Variants in PRDM16 observed in about 807,000 individuals in gnomAD.
PRDM16 encodes histone-lysine N-methyltransferase PRDM16.
A neutral mutation model predicts 110.6 loss-of-function variants in PRDM16; 23 were observed. The ratio of observed to expected loss-of-function variants is 0.21; its 90% confidence interval spans 0.15 to 0.29. The LOEUF (loss-of-function observed/expected upper bound fraction) is 0.29. PRDM16 is among the 10% of genes least tolerant of loss of function. The probability of loss-of-function intolerance (pLI) is 1.00; values close to 1 mark genes in which losing one functional copy is unlikely to be tolerated. For synonymous variants in PRDM16, 799 were observed against 781.8 expected (o/e 1.02, Z -0.37); for missense variants, 1,615 against 1,794.3 (o/e 0.90, Z 1.81).
Position 3,359,850 on chromosome 1 carries a change from G to A in PRDM16, c.439-25302G>A, listed in dbSNP as rs535482538. ...GATGTTTACTTAGAAGGTGGCACCC[G>A]ACAAGGGCTTCCAATGTGTTCCATG... On this transcript the variant is annotated intron_variant, in intron 3 of 16. Coordinates refer to ENST00000270722, the MANE Select transcript of PRDM16 (RefSeq NM_022114.4). The surrounding 1 kb of genome is among the most constrained non-coding windows in gnomAD (Gnocchi z 4.3). Among the ~76,000 whole-genome samples the A allele has an allele frequency of 1.4e-5, 2 of 141,958 alleles. No homozygotes were observed. Among genetic ancestry groups the A allele is most frequent in the South Asian group, 2.1e-4 (1 of 4,822 alleles). 93.1% of individuals were successfully genotyped at this position (141,958 alleles called of 152,430 possible). A position where few individuals can be genotyped will look rare whatever the true frequency, so the allele number is the denominator to read the frequency against.
intron 1 of PRDM16, among the ~76,000 whole-genome samples, chr1:3,177,498 T>G (rs1489610225): frequency 6.6e-6 from 1 of 152,224 alleles, no homozygotes; most frequent in African/African-American, 2.4e-5. Context: ...ACTTCTTTGA[T>G]GTATAAACTG....
intron 3 of PRDM16, among the ~76,000 whole-genome samples, chr1:3,249,805 T>A (rs1639883830): frequency 6.6e-6 from 1 of 152,240 alleles, no homozygotes; most frequent in Non-Finnish European, 1.5e-5. Context: ...GGGTTGCTGA[T>A]AAAAGAATCG....
At chr1:3,410,101 T>TGTGTGC (rs1370302763) in intron 8 of PRDM16, among the ~76,000 whole-genome samples, 11 of 150,072 alleles carry the variant, frequency 7.3e-5, no homozygotes, top group African/African-American at 2.7e-4. Flanking sequence ...TGTGGTTGTG[T>TGTGTGC]GTGTGCGTGT....
At chr1:3,272,054 G>A (rs1640468070) in intron 3 of PRDM16, among the ~76,000 whole-genome samples, 1 of 152,192 alleles carries the variant, frequency 6.6e-6, no homozygotes, top group Non-Finnish European at 1.5e-5. Flanking sequence ...TGCCCACATG[G>A]GTGTCAGGAG....
At chr1:3,181,084 A>ACGGCCTTACACACCCGGTCTTACACG (rs1644156127) in intron 1 of PRDM16, among the ~76,000 whole-genome samples, 1 of 123,626 alleles carries the variant, frequency 8.1e-6, no homozygotes, top group Non-Finnish European at 1.7e-5. Flanking sequence ...GGTCTTACAC[A>ACGGCCTTACACACCCGGTCTTACACG]CGGCCTTACA....
At chr1:3,407,468 C>T (rs1307370977) in intron 8 of PRDM16, among the ~76,000 whole-genome samples, 1 of 152,176 alleles carries the variant, frequency 6.6e-6, no homozygotes, top group Non-Finnish European at 1.5e-5. Context: ...TACACAGTAC[C>T]CCTTTCCTCT....
intron 3 of PRDM16, among the ~76,000 whole-genome samples, chr1:3,337,674 C>T (rs557634472): frequency 6.6e-6 from 1 of 152,180 alleles, no homozygotes; most frequent in Non-Finnish European, 1.5e-5. Flanking sequence ...CATCTCTGCC[C>T]CAGGCTGGCT....
chr1:3,271,946 C>T (rs1375912917), intron 3 of PRDM16, among the ~76,000 whole-genome samples: 4 of 152,218 alleles, frequency 2.6e-5, no homozygotes, highest in African/African-American at 9.7e-5. Context: ...GATCACAAGA[C>T]CACACATTGC....
chr1:3,412,752 C>G lies in PRDM16; in HGVS notation c.2555C>G (p.Pro852Arg). The G allele has an allele frequency of 2.0e-6, 3 of 1,502,102 alleles. No individual in the cohort carries two copies. The highest frequency in any genetic ancestry group is 2.7e-6 in the Non-Finnish European group (3 of 1,126,210). The allele number at this position is 1,502,102 out of a possible 1,614,324, so 93.0% of individuals were successfully genotyped here. A position where few individuals can be genotyped will look rare whatever the true frequency, so the allele number is the denominator to read the frequency against. The part of the protein sequence containing the change: ...VCPARMPQQP[P>R]LHYAKPSPFF... ...CCGGCGCGGATGCCCCAGCAGCCCCCGCTCCACTACGCCAAGCCCTCGCCC... is the reference window on the plus strand; with the variant it reads ...CCGGCGCGGATGCCCCAGCAGCCCCGGCTCCACTACGCCAAGCCCTCGCCC... The change falls in exon 9 of 17, where the codon CCG becomes CGG. Residue 852 changes from proline to arginine, a missense_variant. Coordinates refer to ENST00000270722, the MANE Select transcript of PRDM16 (RefSeq NM_022114.4).
At position 3,069,208 on chromosome 1, in the gene PRDM16, G is replaced by T; in HGVS notation, c.-52G>T. On this transcript the variant is annotated 5_prime_UTR_variant, in exon 1 of 17. Transcript: ENST00000270722. The surrounding 1 kb of genome is among the most constrained non-coding windows in gnomAD (Gnocchi z 6.1). ...AATGCTGGGGAGATGAAGATAGTGT[G>T]TGGCTGCTTCTGGACTCAAGGAGGA... is the stretch of plus-strand genomic sequence containing the variant. 6.5e-7 allele frequency: 1 copy of T among 1,538,208 alleles called. No homozygotes were observed. Among genetic ancestry groups the T allele is most frequent in the Non-Finnish European group, 8.9e-7 (1 of 1,125,062 alleles).
intron 3 of PRDM16, among the ~76,000 whole-genome samples, chr1:3,349,527 A>G (rs1460810518): frequency 6.6e-6 from 1 of 152,136 alleles, no homozygotes; most frequent in South Asian, 2.1e-4. Flanking sequence ...AGCTTATTTC[A>G]GAGCTGTCAT....
Position 3,212,699 on chromosome 1 carries a change from G to GCGGTCCT in PRDM16, c.387+26226_387+26227insGGTCCTC, listed in dbSNP as rs1569855056. On this transcript the variant is annotated intron_variant, in intron 2 of 16. Coordinates refer to ENST00000270722, the MANE Select transcript of PRDM16 (RefSeq NM_022114.4). ...CGGCCCCCTCGCTGCGGTCCTCTCT[G>GCGGTCCT]CCACTGTGGATGGGCTTCACACAAA... Among the ~76,000 whole-genome samples the GCGGTCCT allele has an allele frequency of 5.3e-5, 4 of 75,076 alleles. No individual in the cohort carries two copies. The African/African-American group carries it at 7.3e-4, about 14-fold the overall frequency. 49.3% of individuals were successfully genotyped at this position (75,076 alleles called of 152,430 possible). A position where few individuals can be genotyped will look rare whatever the true frequency, so the allele number is the denominator to read the frequency against.
Position 3,154,693 on chromosome 1 carries a change from C to G in PRDM16, c.38-31432C>G, listed in dbSNP as rs369736970. 4.6e-5 allele frequency among the ~76,000 whole-genome samples: 7 copies of G among 152,252 alleles called. 1 individual carries two copies. In the East Asian group the frequency reaches 5.8e-4, roughly 13 times the overall value. On this transcript the variant is annotated intron_variant, in intron 1 of 16. Transcript: ENST00000270722. ...CTGGCGAGGAGACCTTGGTGCTGGT[C>G]GCGGTGGAGGAAGGCATGGAGCCCT...
chr1:3,413,377 A>G (rs569833159), intron 9 of PRDM16, among the ~76,000 whole-genome samples: 2 of 152,172 alleles, frequency 1.3e-5, no homozygotes, highest in African/African-American at 4.8e-5. Flanking sequence ...CGAGGGATGA[A>G]GCAAGCATTG....
intron 1 of PRDM16, among the ~76,000 whole-genome samples, chr1:3,137,579 C>G (rs1349958871): frequency 6.6e-6 from 1 of 152,198 alleles, no homozygotes; most frequent in East Asian, 1.9e-4. Flanking sequence ...GGAGGACCGC[C>G]TGGAGGAGGT....
chr1:3,272,327 G>T (rs541684619), intron 3 of PRDM16, among the ~76,000 whole-genome samples: 1 of 152,292 alleles, frequency 6.6e-6, no homozygotes, highest in African/African-American at 2.4e-5. Flanking sequence ...GGCTCTCCGT[G>T]GGGGCTCTTT....
chr1:3,409,979 TTGCATGGGGGGGTGTGGGG>T (rs1643653147), intron 8 of PRDM16, among the ~76,000 whole-genome samples: 1 of 67,730 alleles, frequency 1.5e-5, no homozygotes, highest in African/African-American at 6.7e-5. Context: ...GGTTGTGTGT[TTGCATGGGGGGGTGTGGGG>T]GGTGTGCATG....
intron 1 of PRDM16, among the ~76,000 whole-genome samples, chr1:3,167,345 C>T (rs2100753475): frequency 6.6e-6 from 1 of 152,252 alleles, no homozygotes; most frequent in Non-Finnish European, 1.5e-5. Flanking sequence ...CAAAGCTGCT[C>T]CCAGTTTTCT....
At chr1:3,141,285 A>G (rs1436017109) in intron 1 of PRDM16, among the ~76,000 whole-genome samples, 1 of 152,152 alleles carries the variant, frequency 6.6e-6, no homozygotes, top group African/African-American at 2.4e-5. Flanking sequence ...ATCACAAGTC[A>G]CCTACCTGCC....
Sources: gnomAD v4.1 joint callset for allele counts (sites outside exome capture counted in the v4.1 genomes callset) on GRCh38, gnomAD v4.1.1 for gene constraint, Gnocchi (gnomAD v3.1) non-coding constraint, MANE v1.5 for transcripts, NCBI Gene and HGNC (gene_info 2026-07-23, HGNC 2026-07-21) for gene names.